Variants in CMPK1 observed in about 807,000 individuals in gnomAD.
CMPK1 encodes UMP-CMP kinase.
Under a neutral mutation model 25.7 loss-of-function variants are expected in CMPK1, and 10 were observed. That is an observed-to-expected ratio of 0.39 (90% confidence interval 0.24 to 0.66). The LOEUF is 0.66. Among genes scored for constraint, CMPK1 ranks in the 30% least tolerant of loss-of-function variants. The probability of loss-of-function intolerance (pLI) is 0.48; values close to 1 mark genes in which losing one functional copy is unlikely to be tolerated. For missense variants in CMPK1, 199 were observed against 280.5 expected, an observed-to-expected ratio of 0.71 and a Z score of 2.08; for synonymous variants, 106 against 101.5, an observed-to-expected ratio of 1.04 and a Z score of -0.27.
rs890294430 is a variant in CMPK1, at chr1:47,372,804, T to C, written c.319-151T>C. The C allele has an allele frequency of 1.1e-4, 46 of 400,108 alleles. No individual in the cohort carries two copies. The Middle Eastern group carries it at 1.9e-3, about 16-fold the overall frequency. 24.8% of individuals were successfully genotyped at this position (400,108 alleles called of 1,614,324 possible). A position where few individuals can be genotyped will look rare whatever the true frequency, so the allele number is the denominator to read the frequency against. On this transcript the variant is annotated intron_variant, in intron 2 of 5. Coordinates refer to ENST00000371873, the MANE Select transcript of CMPK1 (RefSeq NM_016308.3). ...TCTAGTCTTTTTTCTTTCTTTCTTT[T>C]TTTCTTTTCTTTTTTTTTTTTGCTA...
In CMPK1 at chr1:47,377,791, C is replaced by A. The variant is rs1329640306; in HGVS notation, c.*1046C>A. On this transcript the variant is annotated 3_prime_UTR_variant, in exon 6 of 6. Transcript: ENST00000371873. ...TATCTTATAAATGTTTGATTCCCTT[C>A]CTTGCTATTTTTATTCAGTAGATTT... is the stretch of plus-strand genomic sequence containing the variant. The A allele has an allele frequency of 1.3e-5, 2 of 152,466 alleles. No individual in the cohort carries two copies. Among genetic ancestry groups the A allele is most frequent in the African/African-American group, 4.8e-5 (2 of 41,414 alleles). The allele number at this position is 152,466 out of a possible 1,614,324, so 9.4% of individuals were successfully genotyped here.
chr1:47,362,586 G>A (rs1232754041), intron 1 of CMPK1, among the ~76,000 whole-genome samples: 2 of 152,254 alleles, frequency 1.3e-5, no homozygotes, highest in South Asian at 2.1e-4. Context: ...CTGAGTAGCT[G>A]GGATTACAGG....
At chr1:47,351,708 C>T (rs926781923) in intron 1 of CMPK1, among the ~76,000 whole-genome samples, 1 of 152,128 alleles carries the variant, frequency 6.6e-6, no homozygotes, top group African/African-American at 2.4e-5. Context: ...CAGCAGTATA[C>T]AAAGGTTCCA....
intron 1 of CMPK1, among the ~76,000 whole-genome samples, chr1:47,340,714 C>T (rs1646435489): frequency 6.6e-6 from 1 of 152,080 alleles, no homozygotes; most frequent in Non-Finnish European, 1.5e-5. Flanking sequence ...CTTGGCTCAC[C>T]ACAACCTCTG....
At chr1:47,351,585 T>TG (rs1646522748) in intron 1 of CMPK1, among the ~76,000 whole-genome samples, 1 of 152,214 alleles carries the variant, frequency 6.6e-6, no homozygotes, top group East Asian at 1.9e-4. Context: ...TTCAGTTCTT[T>TG]GGGGTATATA....
At chr1:47,336,349 A>G (rs1200135213) in intron 1 of CMPK1, among the ~76,000 whole-genome samples, 1 of 152,196 alleles carries the variant, frequency 6.6e-6, no homozygotes, top group African/African-American at 2.4e-5. Context: ...TGAAAAGGGA[A>G]AACATAGAAA....
intron 1 of CMPK1, among the ~76,000 whole-genome samples, chr1:47,348,081 T>C (rs1400722623): frequency 6.6e-6 from 1 of 151,554 alleles, no homozygotes; most frequent in Non-Finnish European, 1.5e-5. Flanking sequence ...AGGATTGTAA[T>C]CACTGAAGAC....
intron 1 of CMPK1, among the ~76,000 whole-genome samples, chr1:47,364,396 C>A (rs192309645): frequency 1.2e-4 from 19 of 152,034 alleles, no homozygotes; most frequent in Non-Finnish European, 2.1e-4. Flanking sequence ...CAGCTCACTG[C>A]AAGCTCCGCC....
intron 1 of CMPK1, among the ~76,000 whole-genome samples, chr1:47,350,843 G>C (rs947213085): frequency 6.6e-6 from 1 of 151,734 alleles, no homozygotes; most frequent in African/African-American, 2.4e-5. Context: ...GGAGGGCAGA[G>C]GTTGCATTGA....
At chr1:47,362,148 G>A (rs1008787325) in intron 1 of CMPK1, among the ~76,000 whole-genome samples, 11 of 147,936 alleles carry the variant, frequency 7.4e-5, no homozygotes, top group Admixed American at 3.4e-4. Context: ...GGGATTATAG[G>A]CGTGAGCCAC....
rs570325789 is a variant in CMPK1, at chr1:47,334,047, G to A, written c.102G>A (p.Lys34=). 18 of 1,552,310 alleles carry A rather than the reference G, an allele frequency of 1.2e-5. No homozygotes were observed. In the African/African-American group the frequency reaches 2.1e-4, roughly 18 times the overall value. Residue 34 remains lysine (K), a synonymous_variant, in exon 1 of 6, where the codon AAG becomes AAA. Transcript: ENST00000371873. ...PILLCSPRLM[K]PLVVFVLGGP... ...TCCTCTGCTCTCCACGTCTCATGAA[G>A]CCGCTGGTCGTGTTCGTCCTCGGCG...
chr1:47,361,799 A>G (rs987076826), intron 1 of CMPK1, among the ~76,000 whole-genome samples: 1 of 151,624 alleles, frequency 6.6e-6, no homozygotes, highest in African/African-American at 2.4e-5. Context: ...AAATGTTGTA[A>G]TTGTCTGCAA....
At chr1:47,358,653 G>T in intron 1 of CMPK1, 1 of 989,162 alleles carries the variant, frequency 1.0e-6, no homozygotes, top group Middle Eastern at 5.2e-4. Flanking sequence ...AAGCACTCTA[G>T]TTCAGTGTTC....
At chr1:47,361,710 C>T (rs1454563437) in intron 1 of CMPK1, among the ~76,000 whole-genome samples, 1 of 152,090 alleles carries the variant, frequency 6.6e-6, no homozygotes, top group Non-Finnish European at 1.5e-5. Flanking sequence ...CTTTTGTTTC[C>T]TTAACCTTAG....
chr1:47,366,223 A>G (rs1646639030), intron 1 of CMPK1, among the ~76,000 whole-genome samples: 1 of 152,192 alleles, frequency 6.6e-6, no homozygotes, highest in African/African-American at 2.4e-5. Context: ...TTAGTTCAAT[A>G]GTAGCTTGTA....
intron 1 of CMPK1, among the ~76,000 whole-genome samples, chr1:47,363,485 G>T (rs576901759): frequency 6.6e-6 from 1 of 151,976 alleles, no homozygotes; most frequent in Middle Eastern, 3.4e-3. Flanking sequence ...AATTTGCTGC[G>T]CATGGTGGCG....
intron 1 of CMPK1, among the ~76,000 whole-genome samples, chr1:47,346,299 C>T (rs146060000): frequency 0.051 from 7,688 of 151,514 alleles, 241 homozygotes; most frequent in Middle Eastern, 0.13. Context: ...CCGCCAGCCT[C>T]AGCCTCCCAA....
chr1:47,368,535 C>T lies in CMPK1; in HGVS notation c.238C>T (p.Gln80Ter), dbSNP rs201653602. 6.2e-7 allele frequency: 1 copy of T among 1,612,960 alleles called. No homozygotes were observed. Among genetic ancestry groups the T allele is most frequent in the Non-Finnish European group, 8.5e-7 (1 of 1,179,310 alleles). The change falls in exon 2 of 6, where the codon CAG becomes TAG. Residue 80 changes from glutamine (Q) to a stop codon, truncating the protein, a stop_gained. Coordinates refer to ENST00000371873, the MANE Select transcript of CMPK1 (RefSeq NM_016308.3). LOFTEE classifies it high-confidence loss of function. ...LRDERKNPDS[Q>*]YGELIEKYIK... ...TGATGAAAGGAAGAACCCAGATTCA[C>T]AGTATGGTGAACTTATTGAAAAGTA...
intron 1 of CMPK1, among the ~76,000 whole-genome samples, chr1:47,356,515 G>A (rs1646561831): frequency 6.6e-6 from 1 of 152,146 alleles, no homozygotes; most frequent in South Asian, 2.1e-4. Context: ...ATAAGTTTGA[G>A]AGTCAACTTA....
Sources: allele counts gnomAD v4.1 joint callset (sites outside exome capture counted in the v4.1 genomes callset), GRCh38; gene constraint gnomAD v4.1.1; transcripts MANE v1.5; gene names NCBI Gene and HGNC (gene_info 2026-07-23, HGNC 2026-07-21).